IGFL4: variants seen among roughly 807,000 people sequenced by gnomAD.
IGFL4 encodes the protein IGF like family member 4.
In IGFL4, 12 loss-of-function variants were observed where a neutral mutation model predicts 15.4. The ratio of observed to expected loss-of-function variants is 0.78; its 90% CI spans 0.50 to 1.26. IGFL4 has a LOEUF of 1.26. Among genes scored for constraint, IGFL4 ranks in the 50% most tolerant of loss-of-function variants. IGFL4 has a pLI of 0.00. For missense variants in IGFL4, 126 were observed against 147.8 expected, an observed-to-expected ratio of 0.85 and a Z score of 0.76; for synonymous variants, 54 against 55.9, an observed-to-expected ratio of 0.97 and a Z score of 0.16.
intron 2 of IGFL4, among the ~76,000 whole-genome samples, chr19:46,052,319 T>C (rs1347158146): frequency 2.0e-5 from 3 of 152,036 alleles, no homozygotes; most frequent in East Asian, 1.9e-4. Flanking sequence ...TGGAATAAAA[T>C]TGGAAATCAA....
At chr19:46,052,953 A>G (rs62113444) in intron 2 of IGFL4, among the ~76,000 whole-genome samples, 2 of 105,812 alleles carry the variant, frequency 1.9e-5, no homozygotes, top group African/African-American at 3.9e-5. Context: ...AAGCTTTGGG[A>G]GAAGTCAGAA....
At chr19:46,072,708 C>T (rs1425278358) in intron 1 of IGFL4, among the ~76,000 whole-genome samples, 2 of 152,170 alleles carry the variant, frequency 1.3e-5, no homozygotes, top group East Asian at 3.8e-4. Flanking sequence ...CAGAACAGGG[C>T]AGGAGATGCA....
intron 1 of IGFL4, among the ~76,000 whole-genome samples, chr19:46,073,607 C>T (rs548488280): frequency 6.6e-6 from 1 of 152,284 alleles, no homozygotes; most frequent in East Asian, 1.9e-4. Context: ...TGGCCAGAGA[C>T]TGAACTGGCA....
Position 46,063,335 on chromosome 19 carries a change from G to GCACACACA in IGFL4, c.-431-3050_-431-3043dup, listed in dbSNP as rs5828265. Among the ~76,000 whole-genome samples, 718 of 147,182 alleles carry GCACACACA rather than the reference G, an allele frequency of 4.9e-3. 2 individuals are homozygous for GCACACACA. Among genetic ancestry groups the GCACACACA allele is most frequent in the African/African-American group, 0.011 (418 of 39,716 alleles). The stretch of plus-strand genomic sequence containing the variant: ...AAGAACATTTAGAACACACACGCAT[G>GCACACACA]CACACACACACACACACACACACAC... On this transcript the variant is annotated intron_variant, in intron 1 of 5. Coordinates refer to the IGFL4 transcript ENST00000601672.
At chr19:46,053,177 T>A (rs1441665670) in intron 2 of IGFL4, among the ~76,000 whole-genome samples, 1 of 152,158 alleles carries the variant, frequency 6.6e-6, no homozygotes, top group Non-Finnish European at 1.5e-5. Context: ...AGCCAGGGTA[T>A]CTGTGTTACT....
intron 2 of IGFL4, among the ~76,000 whole-genome samples, chr19:46,057,508 C>G (rs531795202): frequency 6.6e-6 from 1 of 152,226 alleles, no homozygotes; most frequent in East Asian, 1.9e-4. Context: ...AAAGTGAAAG[C>G]AAGTTTATTA....
intron 2 of IGFL4, among the ~76,000 whole-genome samples, chr19:46,050,015 C>A (rs1795516460): frequency 6.6e-6 from 1 of 152,174 alleles, no homozygotes; most frequent in South Asian, 2.1e-4. Flanking sequence ...TCCCCAGTAC[C>A]AGCCTGGAGT....
At chr19:46,044,760 A>G (rs1969281994), upstream of IGFL4, among the ~76,000 whole-genome samples, 1 of 152,164 alleles carries the variant, frequency 6.6e-6, no homozygotes, top group Non-Finnish European at 1.5e-5. Flanking sequence ...AACTGGTCAG[A>G]GGAAGGAGCA....
intron 1 of IGFL4, among the ~76,000 whole-genome samples, chr19:46,073,252 A>C (rs774007058): frequency 2.3e-4 from 35 of 152,208 alleles, no homozygotes; most frequent in Non-Finnish European, 3.4e-4. Context: ...AAGTATTTTA[A>C]ATGATACCTA....
At chr19:46,063,619 C>T (rs984608022) in intron 1 of IGFL4, among the ~76,000 whole-genome samples, 2 of 152,124 alleles carry the variant, frequency 1.3e-5, no homozygotes, top group African/African-American at 2.4e-5. Context: ...AGCACAGAGC[C>T]CTGCGCAGAG....
At chr19:46,070,059 A>T (rs1454206585) in intron 1 of IGFL4, among the ~76,000 whole-genome samples, 3 of 152,034 alleles carry the variant, frequency 2.0e-5, no homozygotes, top group Non-Finnish European at 4.4e-5. Flanking sequence ...TGGACTCATG[A>T]TTACTGAAGC....
intron 2 of IGFL4, among the ~76,000 whole-genome samples, chr19:46,046,141 A>C (rs949804280): frequency 6.6e-6 from 1 of 152,186 alleles, no homozygotes; most frequent in East Asian, 1.9e-4. Context: ...CCAACCCAGG[A>C]TTTCATATCC....
chr19:46,058,092 A>G (rs1969410008), intron 2 of IGFL4: 3 of 152,204 alleles, frequency 2.0e-5, no homozygotes. Context: ...GCATAAACTT[A>G]AAAGTCCATA....
chr19:46,058,331 A>G (rs1033822736), intron 2 of IGFL4: 1 of 152,052 alleles, frequency 6.6e-6, no homozygotes, highest in African/African-American at 2.4e-5. Flanking sequence ...CATGGACACC[A>G]TTTCTCACAT....
upstream of IGFL4, among the ~76,000 whole-genome samples, chr19:46,041,933 A>G (rs993859186): frequency 1.6e-4 from 24 of 149,946 alleles, no homozygotes; most frequent in African/African-American, 5.9e-4. Context: ...TTGCCCCCCA[A>G]GTTGAAGCCA....
chr19:46,065,847 G>A (rs1476372965), intron 1 of IGFL4, among the ~76,000 whole-genome samples: 2 of 152,150 alleles, frequency 1.3e-5, no homozygotes, highest in African/African-American at 4.8e-5. Context: ...CTCTCTAGAG[G>A]GTAAAATGTG....
chr19:46,074,942 C>CA (rs1237642525), intron 1 of IGFL4, among the ~76,000 whole-genome samples: 6 of 152,196 alleles, frequency 3.9e-5, no homozygotes, highest in Non-Finnish European at 7.3e-5. Flanking sequence ...AAGACACTTT[C>CA]ACCACATTCT....
At chr19:46,065,308 GCTTTTCTTTT>G (rs145761586) in intron 1 of IGFL4, among the ~76,000 whole-genome samples, 17,905 of 150,632 alleles carry the variant, frequency 0.12, 1,254 homozygotes, top group East Asian at 0.18. Context: ...CTGTGCAGAA[GCTTTTCTTTT>G]CTTTTCTTTT....
intron 1 of IGFL4, among the ~76,000 whole-genome samples, chr19:46,068,705 C>T (rs139524819): frequency 3.9e-4 from 59 of 152,310 alleles, no homozygotes; most frequent in African/African-American, 1.3e-3. Context: ...TTCTGAGGAA[C>T]CGCCGGGAAA....
Sources: allele counts gnomAD v4.1 joint callset (sites outside exome capture counted in the v4.1 genomes callset), GRCh38; gene constraint gnomAD v4.1.1; transcripts MANE v1.5; gene names NCBI Gene and HGNC (gene_info 2026-07-23, HGNC 2026-07-21).